Variants in KLHL21 observed in about 807,000 individuals in gnomAD.
The protein encoded by KLHL21 is kelch like family member 21.
A neutral mutation model predicts 44.1 loss-of-function variants in KLHL21; 42 were observed. The observed-to-expected ratio is 0.95, with a 90% CI of 0.74 to 1.23. The LOEUF is 1.23. KLHL21 is among the 50% of genes most tolerant of loss of function. The pLI, the probability that KLHL21 is intolerant of heterozygous loss-of-function variation, is 0.00. For synonymous variants in KLHL21, 524 were observed against 411.6 expected, an observed-to-expected ratio of 1.27 and a Z score of -3.31; for missense variants, 918 against 889.1, an observed-to-expected ratio of 1.03 and a Z score of -0.41.
chr1:6,597,191 C>T (rs1241542036), intron 2 of KLHL21, among the ~76,000 whole-genome samples: 2 of 152,144 alleles, frequency 1.3e-5, no homozygotes, highest in Admixed American at 1.3e-4. Context: ...GTGCAAGTGG[C>T]TTAGGAAACC....
rs1640887663 is a variant in KLHL21 at position 6,593,761 on chromosome 1, G to A, written c.1501-103C>T. The A allele has an allele frequency of 2.2e-5, 32 of 1,429,952 alleles. No individual in the cohort carries two copies. In the South Asian group the frequency reaches 4.6e-4, roughly 21 times the overall value. The allele number at this position is 1,429,952 out of a possible 1,614,324, so 88.6% of individuals were successfully genotyped here. ...CAAGGCATGCCCTGTCAGTACCCCA[G>A]AGGGGTGGCCTTGGCTCTCCCAGAA... On this transcript the variant is annotated intron_variant, in intron 3 of 3. Transcript: ENST00000377658.
Position 6,593,486 on chromosome 1 carries a change from A to G in KLHL21, c.1673T>C (p.Ile558Thr). 1 of 1,613,796 alleles carries G rather than the reference A, an allele frequency of 6.2e-7. No homozygotes were observed. The highest frequency in any genetic ancestry group is 8.5e-7 in the Non-Finnish European group (1 of 1,180,000). Residue 558 changes from isoleucine to threonine, a missense_variant, in exon 4 of 4, where the codon ATC becomes ACC. Physicochemically the swap from Ile to Thr is moderately conservative, Grantham distance 89 (BLOSUM62 -1). Transcript: ENST00000377658. ...EPTFWHGSVS[I>T]FRQFMPQTFS... Reference sequence around the variant, plus strand: ...GGTCTGGGGCATGAACTGGCGGAAGATGCTGACACTGCCATGCCAGAAGGT... The same window carrying G: ...GGTCTGGGGCATGAACTGGCGGAAGGTGCTGACACTGCCATGCCAGAAGGT...
In KLHL21 at chr1:6,599,257, T is replaced by C; in HGVS notation, c.1217A>G (p.Gln406Arg). Reference sequence around the variant, plus strand: ...GTTGTCCATGGGGTAGGTCATGGGCTGCAGGGCCTCCCAGGAGTCAGTGGT... The same window carrying C: ...GTTGTCCATGGGGTAGGTCATGGGCCGCAGGGCCTCCCAGGAGTCAGTGGT... ...DHTTDSWEALQPMTYPMDNCS... is the reference protein window; with the variant it reads ...DHTTDSWEALRPMTYPMDNCS... Residue 406 changes from glutamine (Q) to arginine (R), a missense_variant, in exon 2 of 4, where the codon CAG becomes CGG. Coordinates refer to ENST00000377658, the MANE Select transcript of KLHL21 (RefSeq NM_014851.4). 1 of 1,614,068 alleles carries C rather than the reference T, an allele frequency of 6.2e-7. No individual in the cohort carries two copies. Among genetic ancestry groups the C allele is most frequent in the Non-Finnish European group, 8.5e-7 (1 of 1,180,008 alleles).
rs750067256 is a variant in KLHL21, at chr1:6,601,830, T to C, written c.988A>G (p.Ile330Val). ...TAGATGTCATTGCCCAGCGCCACGA[T>C]GCTGTAGCCTCCGCCCAGGTGGTCT... is the stretch of plus-strand genomic sequence containing the variant. ...FPDHLGGGYS[I>V]VALGNDIYVT... Residue 330 changes from isoleucine (I) to valine (V), a missense_variant, in exon 1 of 4, where the codon ATC (isoleucine) becomes GTC (valine). Physicochemically the swap from Ile to Val is conservative, Grantham distance 29 (BLOSUM62 3). Coordinates refer to ENST00000377658, the MANE Select transcript of KLHL21 (RefSeq NM_014851.4). The C allele has an allele frequency of 6.3e-7, 1 of 1,586,370 alleles. No individual in the cohort carries two copies. Among genetic ancestry groups the C allele is most frequent in the Admixed American group, 1.8e-5 (1 of 56,712 alleles).
intron 2 of KLHL21, among the ~76,000 whole-genome samples, chr1:6,598,074 C>T (rs780330419): frequency 1.1e-4 from 16 of 152,220 alleles, no homozygotes; most frequent in Non-Finnish European, 1.2e-4. Context: ...CCTGTGAAAT[C>T]GCTTAAGAAA....
Position 6,593,553 on chromosome 1 carries a change from C to T in KLHL21, c.1606G>A (p.Glu536Lys). Reference protein sequence around the residue: ...LSDVVEAYDPETRAWSVVGRL... With the variant: ...LSDVVEAYDPKTRAWSVVGRL... ...CCCACCACGCTCCACGCGCGAGTCTCTGGGTCATAGGCCTCTACCACGTCC... is the reference window on the plus strand; with the variant it reads ...CCCACCACGCTCCACGCGCGAGTCTTTGGGTCATAGGCCTCTACCACGTCC... Residue 536 changes from glutamate to lysine, a missense_variant, in exon 4 of 4, where the codon GAG becomes AAG. Glu to Lys is a moderately conservative substitution (Grantham distance 56). Transcript: ENST00000377658. 1.2e-6 allele frequency: 2 copies of T among 1,614,042 alleles called. No individual in the cohort carries two copies. The highest frequency in any genetic ancestry group is 1.7e-6 in the Non-Finnish European group (2 of 1,180,018).
chr1:6,595,851 C>G (rs1640919346), intron 2 of KLHL21, among the ~76,000 whole-genome samples: 1 of 152,158 alleles, frequency 6.6e-6, no homozygotes, highest in Non-Finnish European at 1.5e-5. Context: ...CACCCAGTAC[C>G]AAGGTGGCTG....
At chr1:6,594,187 C>CA in intron 3 of KLHL21, 1 of 599,452 alleles carries the variant, frequency 1.7e-6, no homozygotes, top group Non-Finnish European at 2.1e-6. Context: ...GGCTGGATGT[C>CA]ACGGAGTGTA....
chr1:6,593,568 C>T lies in KLHL21; in HGVS notation c.1591G>A (p.Glu531Lys). 6.2e-7 allele frequency: 1 copy of T among 1,613,968 alleles called. No individual in the cohort carries two copies. Among genetic ancestry groups the T allele is most frequent in the African/African-American group, 1.3e-5 (1 of 75,060 alleles). ...GCGCGAGTCTCTGGGTCATAGGCCTCTACCACGTCCGAGAGTTCAAATGTA... is the reference window on the plus strand; with the variant it reads ...GCGCGAGTCTCTGGGTCATAGGCCTTTACCACGTCCGAGAGTTCAAATGTA... ...DNTFELSDVVEAYDPETRAWS... is the reference protein window; with the variant it reads ...DNTFELSDVVKAYDPETRAWS... Residue 531 changes from glutamate (E) to lysine (K), a missense_variant, in exon 4 of 4, where the codon GAG (glutamate) becomes AAG (lysine). By Grantham distance (56) the Glu-to-Lys change is moderately conservative (BLOSUM62 1). Coordinates refer to ENST00000377658, the MANE Select transcript of KLHL21 (RefSeq NM_014851.4).
At chr1:6,598,346 G>A (rs991646313) in intron 2 of KLHL21, among the ~76,000 whole-genome samples, 2 of 152,068 alleles carry the variant, frequency 1.3e-5, no homozygotes, top group African/African-American at 4.8e-5. Flanking sequence ...GAGGCAGCTG[G>A]ATCACATGAG....
rs375443749 is a variant in KLHL21, at chr1:6,593,379, C to A, written c.1780G>T (p.Asp594Tyr). ...PGRPRPPRDP[D>Y]ELH ...CCAGACTGGGGCTAGTGCAGCTCAT[C>A]GGGGTCCCGCGGCGGCCGGGGTCGG... is the stretch of plus-strand genomic sequence containing the variant. The change falls in exon 4 of 4, where the codon GAT becomes TAT. Residue 594 changes from aspartate (D) to tyrosine (Y), a missense_variant. Asp to Tyr is a radical substitution (Grantham distance 160, BLOSUM62 -3). Transcript: ENST00000377658. 2 of 1,596,866 alleles carry A rather than the reference C, an allele frequency of 1.3e-6. No homozygotes were observed. The highest frequency in any genetic ancestry group is 1.1e-5 in the South Asian group (1 of 90,150).
At chr1:6,599,808 T>C in intron 1 of KLHL21, 2 of 250,288 alleles carry the variant, frequency 8.0e-6, no homozygotes, top group South Asian at 8.8e-5. Context: ...CCACAGAGCT[T>C]GTCAGCAGGG....
At chr1:6,595,458 C>A (rs1377113738) in intron 3 of KLHL21, 27 bp downstream of exon 3, 1 of 1,612,488 alleles carries the variant, frequency 6.2e-7, no homozygotes, top group Admixed American at 1.7e-5. Flanking sequence ...GCCTGTGCTT[C>A]CAATGCTGGC....
chr1:6,601,408 G>C (rs1454847380), intron 1 of KLHL21, among the ~76,000 whole-genome samples: 2 of 152,162 alleles, frequency 1.3e-5, no homozygotes, highest in Admixed American at 1.3e-4. Flanking sequence ...CCGGCTTGTG[G>C]GGAACAGATG....
At chr1:6,595,864 C>T (rs1429453433) in intron 2 of KLHL21, among the ~76,000 whole-genome samples, 1 of 152,114 alleles carries the variant, frequency 6.6e-6, no homozygotes, top group Non-Finnish European at 1.5e-5. Context: ...GGTGGCTGTC[C>T]CCCACCCCCC....
chr1:6,597,450 C>T (rs1488454925), intron 2 of KLHL21, among the ~76,000 whole-genome samples: 5 of 152,210 alleles, frequency 3.3e-5, no homozygotes, highest in Non-Finnish European at 5.9e-5. Context: ...AAGACACCTT[C>T]ACAACTTGGG....
At chr1:6,594,179 C>A in intron 3 of KLHL21, 1 of 656,006 alleles carries the variant, frequency 1.5e-6, no homozygotes, top group South Asian at 6.8e-5. Flanking sequence ...AGCTGTGAGG[C>A]TGGATGTCAC....
rs940262918 is a variant in KLHL21 at position 6,591,172 on chromosome 1, C to A, written c.*2193G>T. The A allele has an allele frequency of 2.5e-6, 1 of 395,790 alleles. No individual in the cohort carries two copies. The highest frequency in any genetic ancestry group is 4.4e-6 in the Non-Finnish European group (1 of 224,836). 24.5% of individuals were successfully genotyped at this position (395,790 alleles called of 1,614,324 possible). On this transcript the variant is annotated 3_prime_UTR_variant, in exon 4 of 4. Transcript: ENST00000377658. ...GCTGGTGTCCACAGGCTAGAGGGAC[C>A]CATTGCTGCAGAGGCTGGTGCCTGG... is the stretch of plus-strand genomic sequence containing the variant.
Position 6,602,679 on chromosome 1 carries a change from A to G in KLHL21, c.139T>C (p.Phe47Leu), listed in dbSNP as rs1641053253. The G allele has an allele frequency of 2.0e-6, 3 of 1,511,538 alleles. No homozygotes were observed. Among genetic ancestry groups the G allele is most frequent in the Non-Finnish European group, 2.6e-6 (3 of 1,137,616 alleles). 93.6% of individuals were successfully genotyped at this position (1,511,538 alleles called of 1,614,324 possible). Residue 47 changes from phenylalanine (F) to leucine (L), a missense_variant, in exon 1 of 4, where the codon TTC becomes CTC. Physicochemically the swap from Phe to Leu is conservative, Grantham distance 22. Transcript: ENST00000377658. ...VTLEAAGGRD[F>L]PAHRAVLAAA... ...GCCAGCACCGCACGGTGCGCCGGGA[A>G]GTCGCGCCCGCCCGCCGCCTCCAGG... is the stretch of plus-strand genomic sequence containing the variant.
Sources: gnomAD v4.1 joint callset for allele counts (sites outside exome capture counted in the v4.1 genomes callset) on GRCh38, gnomAD v4.1.1 for gene constraint, MANE v1.5 for transcripts, NCBI Gene and HGNC (gene_info 2026-07-23, HGNC 2026-07-21) for gene names.